The following FLT1 variants were observed in gnomAD, a reference collection of about 807,000 sequenced individuals.
FLT1 encodes fms related receptor tyrosine kinase 1.
A neutral mutation model predicts 156.3 loss-of-function variants in FLT1; 49 were observed. The observed-to-expected ratio is 0.31, with a 90% confidence interval of 0.25 to 0.40. The LOEUF is 0.40. FLT1 is among the 10% of genes least tolerant of loss of function. The pLI is 1.00. For missense variants in FLT1, 1,322 were observed against 1,637.2 expected (o/e 0.81, Z 3.32); for synonymous variants, 594 against 583.8 (o/e 1.02, Z -0.25).
At chr13:28,372,074 A>ATTTTTTTT (rs1290920015) in intron 14 of FLT1, among the ~76,000 whole-genome samples, 51 of 14,158 alleles carry the variant, frequency 3.6e-3, no homozygotes, top group Non-Finnish European at 4.5e-3. Flanking sequence ...ATATATATAT[A>ATTTTTTTT]TATTTTTTTT....
At chr13:28,315,513 GC>G (rs2138819443) in intron 25 of FLT1, among the ~76,000 whole-genome samples, 1 of 152,250 alleles carries the variant, frequency 6.6e-6, no homozygotes, top group South Asian at 2.1e-4. Context: ...CTGAGATCAC[GC>G]CACTGCACTC....
chr13:28,360,846 C>G (rs962212334), intron 14 of FLT1, among the ~76,000 whole-genome samples: 1 of 152,252 alleles, frequency 6.6e-6, no homozygotes, highest in Admixed American at 6.5e-5. Flanking sequence ...TAAGTGTTCC[C>G]ACCACAAAGA....
intron 3 of FLT1, among the ~76,000 whole-genome samples, chr13:28,464,129 C>G (rs1318196222): frequency 1.3e-5 from 2 of 152,170 alleles, no homozygotes; most frequent in African/African-American, 4.8e-5. Flanking sequence ...ATTATCATAA[C>G]AATTTTTCCA....
At chr13:28,431,516 T>C (rs1038290119) in intron 6 of FLT1, among the ~76,000 whole-genome samples, 3 of 152,228 alleles carry the variant, frequency 2.0e-5, no homozygotes, top group Non-Finnish European at 4.4e-5. Context: ...AGGATTTATT[T>C]AGCACTTAAT....
intron 16 of FLT1, among the ~76,000 whole-genome samples, chr13:28,342,803 C>T (rs1872387458): frequency 3.9e-5 from 6 of 152,058 alleles, no homozygotes; most frequent in Admixed American, 3.3e-4. Flanking sequence ...AAAGAGCTTC[C>T]CATAAGACCT....
intron 10 of FLT1, among the ~76,000 whole-genome samples, chr13:28,412,899 G>A (rs919388587): frequency 3.3e-5 from 5 of 152,034 alleles, no homozygotes; most frequent in African/African-American, 1.2e-4. Context: ...ATAGGAGAGT[G>A]GATGCTGGCA....
chr13:28,344,803 T>G (rs1872502694), intron 16 of FLT1, among the ~76,000 whole-genome samples: 1 of 130,360 alleles, frequency 7.7e-6, no homozygotes, highest in African/African-American at 3.1e-5. Context: ...TTTTTTTTTT[T>G]TTTTTTTTTT....
chr13:28,329,583 G>A (rs1403950082), intron 19 of FLT1, 32 bp downstream of exon 19: 2 of 1,448,228 alleles, frequency 1.4e-6, no homozygotes, highest in Non-Finnish European at 1.9e-6. Flanking sequence ...TGTGCAGGGG[G>A]AGACGGAGCC....
rs1337530679 is a variant in FLT1, at chr13:28,322,869, A to G, written c.2874T>C (p.Asp958=). ...GLEQGKKPRL[D]SVTSSESFAS... is the part of the protein sequence containing the mutation. ...CAAAGCTTTCGCTGCTGGTGACGCT[A>G]TCTAGTCTTGGTTTCTTGCCTTGTT... Residue 958 remains aspartate, a synonymous_variant, in exon 21 of 30, where the codon GAT becomes GAC. Coordinates refer to ENST00000282397, the MANE Select transcript of FLT1 (RefSeq NM_002019.4). The surrounding 1 kb of genome is among the most constrained non-coding windows in gnomAD (Gnocchi z 4.3). 1.2e-6 allele frequency: 2 copies of G among 1,614,088 alleles called. No individual in the cohort carries two copies. Among genetic ancestry groups the G allele is most frequent in the East Asian group, 2.2e-5 (1 of 44,874 alleles).
intron 10 of FLT1, among the ~76,000 whole-genome samples, chr13:28,416,587 G>T (rs1876660297): frequency 6.6e-6 from 1 of 152,176 alleles, no homozygotes; most frequent in Non-Finnish European, 1.5e-5. Context: ...TTCTCTTAGA[G>T]AAGTTCTGTG....
chr13:28,405,800 T>A lies in FLT1; in HGVS notation c.1531A>T (p.Ile511Leu). The A allele has an allele frequency of 6.3e-7, 1 of 1,591,012 alleles. No homozygotes were observed. ...RIESITQRMAIIEGKNKMAST... is the reference protein window; with the variant it reads ...RIESITQRMALIEGKNKMAST... ...AATACCTTATTCTTTCCTTCTATTA[T>A]TGCCATGCGCTGAGTGATGCTCTCA... The change falls in exon 11 of 30, where the codon ATA becomes TTA. Residue 511 changes from isoleucine (I) to leucine (L), a missense_variant. Ile to Leu is a conservative substitution (Grantham distance 5). Coordinates refer to ENST00000282397, the MANE Select transcript of FLT1 (RefSeq NM_002019.4).
chr13:28,483,695 T>C (rs559619863), intron 1 of FLT1, among the ~76,000 whole-genome samples: 3 of 152,270 alleles, frequency 2.0e-5, no homozygotes, highest in South Asian at 2.1e-4. Flanking sequence ...GCTACGGGGC[T>C]TAAAGAAATG....
At chr13:28,303,591 T>G (rs2138802588) in intron 29 of FLT1, among the ~76,000 whole-genome samples, 1 of 150,554 alleles carries the variant, frequency 6.6e-6, no homozygotes, top group East Asian at 2.1e-4. Flanking sequence ...AGACAGTGGC[T>G]GGGGGAGGGT....
At chr13:28,468,641 G>C (rs1243655770) in intron 1 of FLT1, among the ~76,000 whole-genome samples, 1 of 152,162 alleles carries the variant, frequency 6.6e-6, no homozygotes, top group Non-Finnish European at 1.5e-5. Flanking sequence ...GATCCCTCAT[G>C]CATGGCATGG....
At chr13:28,412,388 CTT>C (rs1876333272) in intron 10 of FLT1, among the ~76,000 whole-genome samples, 1 of 127,662 alleles carries the variant, frequency 7.8e-6, no homozygotes, top group East Asian at 2.3e-4. Flanking sequence ...TTCTTTCTTT[CTT>C]TCTTTCTTTC....
intron 3 of FLT1, among the ~76,000 whole-genome samples, chr13:28,452,243 C>G (rs577477583): frequency 6.6e-6 from 1 of 152,220 alleles, no homozygotes; most frequent in Non-Finnish European, 1.5e-5. Context: ...TTAGAAAGAC[C>G]GGGGGCTTTG....
At chr13:28,430,761 C>G (rs1877630985) in intron 7 of FLT1, among the ~76,000 whole-genome samples, 1 of 152,044 alleles carries the variant, frequency 6.6e-6, no homozygotes, top group Non-Finnish European at 1.5e-5. Context: ...TTTAGCATAC[C>G]ATATTTTTAT....
chr13:28,339,093 T>C (rs1331941614), intron 17 of FLT1, 75 bp downstream of exon 17: 11 of 1,440,860 alleles, frequency 7.6e-6, no homozygotes, highest in South Asian at 1.2e-5. Context: ...TACTTTCGCA[T>C]CTCTCAAAGC....
chr13:28,341,630 A>G (rs1372220970), intron 16 of FLT1, among the ~76,000 whole-genome samples: 1 of 152,224 alleles, frequency 6.6e-6, no homozygotes, highest in Non-Finnish European at 1.5e-5. Context: ...CAGGGTGAGG[A>G]TAAAATATAA....
Sources: gnomAD v4.1 joint callset for allele counts (sites outside exome capture counted in the v4.1 genomes callset) on GRCh38, gnomAD v4.1.1 for gene constraint, Gnocchi (gnomAD v3.1) non-coding constraint, MANE v1.5 for transcripts, NCBI Gene and HGNC (gene_info 2026-07-23, HGNC 2026-07-21) for gene names.